Variants in SP4 observed in about 807,000 individuals in gnomAD.
SP4 encodes Sp4 transcription factor.
A neutral mutation model predicts 72.8 loss-of-function variants in SP4; 19 were observed. The observed-to-expected ratio is 0.26, with a 90% CI of 0.18 to 0.38. The LOEUF is 0.38. Ranked by LOEUF, SP4 falls within the 10% of genes least tolerant of loss-of-function variation. SP4 has a pLI of 1.00. For synonymous variants in SP4, 395 were observed against 333.1 expected (o/e 1.19, Z -2.02); for missense variants, 1,008 against 926.3 (o/e 1.09, Z -1.14).
At chr7:21,509,685 G>C (rs910990204) in intron 5 of SP4, among the ~76,000 whole-genome samples, 1 of 151,994 alleles carries the variant, frequency 6.6e-6, no homozygotes, top group African/African-American at 2.4e-5. Context: ...AAGCACACAC[G>C]TAAAGAAAAA....
chr7:21,438,976 T>C (rs1460689675), intron 3 of SP4, among the ~76,000 whole-genome samples: 1 of 152,228 alleles, frequency 6.6e-6, no homozygotes, highest in East Asian at 1.9e-4. Context: ...GAAGTTGTTA[T>C]CTCATACTTT....
chr7:21,478,245 A>G (rs539156754), intron 4 of SP4, among the ~76,000 whole-genome samples: 64 of 152,240 alleles, frequency 4.2e-4, no homozygotes, highest in African/African-American at 1.5e-3. Flanking sequence ...GATATACAAT[A>G]TTTTTGTTTA....
At chr7:21,470,672 T>A (rs1784307134) in intron 3 of SP4, among the ~76,000 whole-genome samples, 1 of 149,964 alleles carries the variant, frequency 6.7e-6, no homozygotes, top group African/African-American at 2.5e-5. Context: ...TCTTGTTGAA[T>A]AGTTAGCAAT....
intron 5 of SP4, among the ~76,000 whole-genome samples, chr7:21,494,087 A>G (rs528165860): frequency 1.3e-5 from 2 of 152,336 alleles, no homozygotes; most frequent in Admixed American, 6.5e-5. Flanking sequence ...AAAATTCTGC[A>G]TATATTTCTG....
rs140140624 is a variant in SP4 at position 21,451,924 on chromosome 7, C to T, written c.1678+21081C>T. Among the ~76,000 whole-genome samples, 515 of 152,278 alleles carry T rather than the reference C, an allele frequency of 3.4e-3. 2 individuals are homozygous for T. The highest frequency in any genetic ancestry group is 5.5e-3 in the Non-Finnish European group (375 of 68,018). On this transcript the variant is annotated intron_variant, in intron 3 of 5. Coordinates refer to ENST00000222584, the MANE Select transcript of SP4 (RefSeq NM_003112.5). ...GCAGTCATGCCAGCTGTAGTCATGCCGGCTGAGACCTGGGTGCGTGGGGTT... is the reference window on the plus strand; with the variant it reads ...GCAGTCATGCCAGCTGTAGTCATGCTGGCTGAGACCTGGGTGCGTGGGGTT...
Position 21,429,620 on chromosome 7 carries a change from A to G in SP4, c.455A>G (p.Gln152Arg). The G allele has an allele frequency of 1.2e-6, 2 of 1,614,186 alleles. No homozygotes were observed. The highest frequency in any genetic ancestry group is 8.5e-7 in the Non-Finnish European group (1 of 1,179,998). The change falls in exon 3 of 6, where the codon CAA becomes CGA. Residue 152 changes from glutamine to arginine, a missense_variant. Coordinates refer to ENST00000222584, the MANE Select transcript of SP4 (RefSeq NM_003112.5). ...SGNSSTPGQF[Q>R]VIQVQNPSGS... ...AATTCTTCCACCCCTGGTCAATTTC[A>G]AGTCATACAAGTACAAAATCCAAGT...
chr7:21,510,940 G>T, intron 5 of SP4, 82 bp from the exon 6 acceptor site: 1 of 1,352,578 alleles, frequency 7.4e-7, no homozygotes, highest in Non-Finnish European at 1.0e-6. Flanking sequence ...GTCATATAAT[G>T]TGACCAGAAG....
At chr7:21,436,918 C>A (rs1783067366) in intron 3 of SP4, among the ~76,000 whole-genome samples, 1 of 152,058 alleles carries the variant, frequency 6.6e-6, no homozygotes, top group South Asian at 2.1e-4. Context: ...GTTAAATGAC[C>A]CTCTTATATT....
In SP4 at chr7:21,436,118, C is replaced by T. The variant is rs760057785; in HGVS notation, c.1678+5275C>T. ...TTTGCCATGTTGGCCAGGCTGGTCT[C>T]GAACTCTTGACCTCAGGTGATCTCC... On this transcript the variant is annotated intron_variant, in intron 3 of 5. Coordinates refer to ENST00000222584, the MANE Select transcript of SP4 (RefSeq NM_003112.5). Among the ~76,000 whole-genome samples, 67 of 152,118 alleles carry T rather than the reference C, an allele frequency of 4.4e-4. 1 individual carries two copies. The highest frequency in any genetic ancestry group is 1.5e-4 in the Non-Finnish European group (10 of 68,024).
intron 5 of SP4, among the ~76,000 whole-genome samples, chr7:21,504,915 A>T (rs1185230085): frequency 6.6e-6 from 1 of 152,230 alleles, no homozygotes; most frequent in East Asian, 1.9e-4. Context: ...AAAGCAACAG[A>T]TTCCCTCTTC....
At chr7:21,502,220 A>G (rs1337208975) in intron 5 of SP4, among the ~76,000 whole-genome samples, 1 of 152,062 alleles carries the variant, frequency 6.6e-6, no homozygotes, top group Non-Finnish European at 1.5e-5. Flanking sequence ...GTAACAACTT[A>G]TCATCCTTTT....
rs115374024 is a variant in SP4, at chr7:21,474,852, C to T, written c.1679-2227C>T. ...TAAATTTTAGTAGAGGGTTTGTATC[C>T]TTACTAAAACAGTGACAAAATAAAT... On this transcript the variant is annotated intron_variant, in intron 3 of 5. Transcript: ENST00000222584. Among the ~76,000 whole-genome samples, 1,358 of 152,232 alleles carry T rather than the reference C, an allele frequency of 8.9e-3. 24 individuals carry two copies. The highest frequency in any genetic ancestry group is 0.031 in the African/African-American group (1,271 of 41,538).
chr7:21,458,208 G>T (rs6953601), intron 3 of SP4, among the ~76,000 whole-genome samples: 1 of 151,800 alleles, frequency 6.6e-6, no homozygotes, highest in Non-Finnish European at 1.5e-5. Context: ...GGGGGGTGGG[G>T]TGGGGATGGA....
chr7:21,430,456 C>A lies in SP4; in HGVS notation c.1291C>A (p.Gln431Lys). The change falls in exon 3 of 6, where the codon CAG becomes AAG. Residue 431 changes from glutamine to lysine, a missense_variant. Physicochemically the swap from Gln to Lys is moderately conservative, Grantham distance 53 (BLOSUM62 1). This residue lies in a region of SP4 where 893 missense variants were observed against 743.3 expected (regional missense o/e 1.20). Transcript: ENST00000222584. ...PPQSFQLQSG[Q>K]TIQTIQQQPL... ...ACAGTCGTTTCAACTCCAGTCAGGG[C>A]AGACGATTCAGACCATCCAGCAGCA... is the stretch of plus-strand genomic sequence containing the variant. The A allele has an allele frequency of 1.2e-6, 2 of 1,614,202 alleles. No homozygotes were observed. Among genetic ancestry groups the A allele is most frequent in the South Asian group, 2.2e-5 (2 of 91,078 alleles).
At chr7:21,506,054 A>G (rs990608355) in intron 5 of SP4, among the ~76,000 whole-genome samples, 3 of 152,034 alleles carry the variant, frequency 2.0e-5, no homozygotes, top group African/African-American at 4.8e-5. Flanking sequence ...CCTAAACCCA[A>G]TCTCACAATC....
At chr7:21,447,638 A>G (rs1437396228) in intron 3 of SP4, among the ~76,000 whole-genome samples, 2 of 152,186 alleles carry the variant, frequency 1.3e-5, no homozygotes, top group Admixed American at 6.5e-5. Flanking sequence ...CCTCACAACT[A>G]CTGGCATGCA....
chr7:21,444,113 C>T (rs1459577177), intron 3 of SP4, among the ~76,000 whole-genome samples: 1 of 152,158 alleles, frequency 6.6e-6, no homozygotes, highest in African/African-American at 2.4e-5. Flanking sequence ...TCATCTATTA[C>T]CTGTACTCCC....
chr7:21,432,549 G>C (rs1782898510), intron 3 of SP4, among the ~76,000 whole-genome samples: 1 of 152,206 alleles, frequency 6.6e-6, no homozygotes, highest in Admixed American at 6.5e-5. Flanking sequence ...TAGCCATTGT[G>C]AGGGTAAAGA....
At chr7:21,478,436 G>A (rs1221452657) in intron 4 of SP4, among the ~76,000 whole-genome samples, 1 of 152,144 alleles carries the variant, frequency 6.6e-6, no homozygotes. Flanking sequence ...AACCATTTGA[G>A]GAACTTACCG....
Sources: allele counts gnomAD v4.1 joint callset (sites outside exome capture counted in the v4.1 genomes callset), GRCh38; gene constraint gnomAD v4.1.1; regional missense constraint gnomAD v4.1.1; transcripts MANE v1.5; gene names NCBI Gene and HGNC (gene_info 2026-07-23, HGNC 2026-07-21).